INTS9: variants seen among roughly 807,000 people sequenced by gnomAD.
The protein encoded by INTS9 is integrator complex subunit 9.
INTS9 carries 55 observed loss-of-function variants against 79.7 expected under a neutral mutation model. The observed-to-expected ratio is 0.69, with a 90% CI of 0.56 to 0.86. INTS9 has a LOEUF of 0.86. Ranked by LOEUF, INTS9 falls within the 40% of genes least tolerant of loss-of-function variation. INTS9 has a pLI of 0.00. For synonymous variants in INTS9, 319 were observed against 325.2 expected (o/e 0.98, Z 0.20); for missense variants, 721 against 831.5 (o/e 0.87, Z 1.64).
chr8:28,799,221 G>A (rs958530137), intron 8 of INTS9, among the ~76,000 whole-genome samples: 15 of 152,124 alleles, frequency 9.9e-5, no homozygotes, highest in African/African-American at 2.4e-4. Flanking sequence ...GTTTGAACCC[G>A]GGAGGCGGAG....
rs372078850 is a variant in INTS9 at position 28,865,920 on chromosome 8, C to A, written c.10-6357G>T. Reference sequence around the variant, plus strand: ...GCATGTGGTAATGTTTCATTTTACTCCCCCCTCCCTGTGACTAAATTATCA... The same window carrying A: ...GCATGTGGTAATGTTTCATTTTACTACCCCCTCCCTGTGACTAAATTATCA... On this transcript the variant is annotated intron_variant, in intron 1 of 16. Transcript: ENST00000521022. Among the ~76,000 whole-genome samples the A allele has an allele frequency of 2.0e-5, 3 of 151,322 alleles. No homozygotes were observed. In the East Asian group the frequency reaches 5.8e-4, roughly 29 times the overall value.
chr8:28,778,386 C>T (rs1803024916), intron 12 of INTS9, among the ~76,000 whole-genome samples: 1 of 152,176 alleles, frequency 6.6e-6, no homozygotes, highest in African/African-American at 2.4e-5. Flanking sequence ...AAAGAGTCCC[C>T]CACAAGGTAC....
chr8:28,794,963 ACT>A (rs1181933468), intron 9 of INTS9, among the ~76,000 whole-genome samples: 1 of 152,052 alleles, frequency 6.6e-6, no homozygotes, highest in African/African-American at 2.4e-5. Flanking sequence ...ACAAACCAAG[ACT>A]CTATTTGAGA....
chr8:28,861,168 G>A (rs936501670), intron 1 of INTS9, among the ~76,000 whole-genome samples: 1 of 152,132 alleles, frequency 6.6e-6, no homozygotes, highest in Non-Finnish European at 1.5e-5. Flanking sequence ...AGAAGTCTAG[G>A]ATCCATGATT....
chr8:28,782,719 C>G (rs772774950), intron 11 of INTS9, among the ~76,000 whole-genome samples: 1 of 152,166 alleles, frequency 6.6e-6, no homozygotes, highest in Non-Finnish European at 1.5e-5. Flanking sequence ...AGTTTGAGAC[C>G]AGGCTGGGCA....
chr8:28,812,550 C>T (rs917342407), intron 7 of INTS9, 89 bp from the exon 8 acceptor site: 7 of 1,429,656 alleles, frequency 4.9e-6, no homozygotes, highest in Non-Finnish European at 6.6e-6. Context: ...CAGAAATATC[C>T]TCAGTTTAAA....
intron 1 of INTS9, among the ~76,000 whole-genome samples, chr8:28,863,026 T>C (rs1384735784): frequency 1.3e-5 from 2 of 152,218 alleles, no homozygotes; most frequent in African/African-American, 4.8e-5. Flanking sequence ...ATGGATACAC[T>C]GCCTGGTACA....
At chr8:28,802,974 A>G (rs1365257872) in intron 8 of INTS9, among the ~76,000 whole-genome samples, 1 of 151,222 alleles carries the variant, frequency 6.6e-6, no homozygotes, top group East Asian at 1.9e-4. Context: ...AATTAGCCAG[A>G]TGTGCTGGTG....
chr8:28,866,616 G>A (rs1378420912), intron 1 of INTS9, among the ~76,000 whole-genome samples: 1 of 152,146 alleles, frequency 6.6e-6, no homozygotes. Flanking sequence ...TACGCATTTT[G>A]AATGTTACAT....
At chr8:28,804,472 C>A (rs180693511) in intron 8 of INTS9, among the ~76,000 whole-genome samples, 2 of 152,026 alleles carry the variant, frequency 1.3e-5, no homozygotes, top group South Asian at 2.1e-4. Flanking sequence ...CCCCCGCCCC[C>A]CTGCATGAGG....
chr8:28,859,478 A>T lies in INTS9; in HGVS notation c.95T>A (p.Met32Lys). The change falls in exon 2 of 17, where the codon ATG (methionine) becomes AAG (lysine). Residue 32 changes from methionine (M) to lysine (K), a missense_variant. Transcript: ENST00000521022. Reference protein sequence around the residue: ...TTIMLDCGLDMTSTLNFLPLP... With the variant: ...TTIMLDCGLDKTSTLNFLPLP... ...AGGAAGGAAATTGAGGGTAGAAGTCATGTCCAGTCCGCAGTCCAACATAAT... is the reference window on the plus strand; with the variant it reads ...AGGAAGGAAATTGAGGGTAGAAGTCTTGTCCAGTCCGCAGTCCAACATAAT... 6.2e-7 allele frequency: 1 copy of T among 1,614,192 alleles called. No individual in the cohort carries two copies. The highest frequency in any genetic ancestry group is 8.5e-7 in the Non-Finnish European group (1 of 1,180,010).
At chr8:28,788,491 T>C (rs1287898378) in intron 10 of INTS9, among the ~76,000 whole-genome samples, 46 of 152,214 alleles carry the variant, frequency 3.0e-4, no homozygotes, top group Non-Finnish European at 2.9e-5. Context: ...CGATCTCGGC[T>C]CACTGCAACC....
chr8:28,871,607 T>C (rs1809099027), intron 1 of INTS9, among the ~76,000 whole-genome samples: 7 of 152,112 alleles, frequency 4.6e-5, no homozygotes, highest in Admixed American at 4.6e-4. Flanking sequence ...AGCCTCACTA[T>C]GTTGCCCAGG....
intron 1 of INTS9, among the ~76,000 whole-genome samples, chr8:28,874,289 G>GA (rs1809251421): frequency 7.0e-6 from 1 of 142,202 alleles, no homozygotes; most frequent in Non-Finnish European, 1.5e-5. Context: ...TATTTAAACT[G>GA]TTTTTTTTTT....
intron 11 of INTS9, among the ~76,000 whole-genome samples, chr8:28,787,616 G>A (rs2130926713): frequency 6.6e-6 from 1 of 152,324 alleles, no homozygotes; most frequent in Non-Finnish European, 1.5e-5. Context: ...CAACATTTTG[G>A]AGAAGGGCTG....
intron 1 of INTS9, among the ~76,000 whole-genome samples, chr8:28,872,066 A>T (rs1809124627): frequency 6.6e-6 from 1 of 152,248 alleles, no homozygotes; most frequent in African/African-American, 2.4e-5. Context: ...CAGTCCATAC[A>T]TTGGCAAAGA....
chr8:28,778,516 C>T (rs972632315), intron 12 of INTS9, among the ~76,000 whole-genome samples: 5 of 152,176 alleles, frequency 3.3e-5, no homozygotes, highest in Admixed American at 6.5e-5. Context: ...GACAAGCGCA[C>T]GGCCCCGCCT....
chr8:28,795,487 A>C (rs1804154367), intron 9 of INTS9, among the ~76,000 whole-genome samples: 1 of 151,914 alleles, frequency 6.6e-6, no homozygotes, highest in African/African-American at 2.4e-5. Flanking sequence ...TAAAAATACA[A>C]AAATTAGCCG....
At chr8:28,883,779 G>T (rs896100817) in intron 1 of INTS9, among the ~76,000 whole-genome samples, 3 of 152,166 alleles carry the variant, frequency 2.0e-5, no homozygotes, top group African/African-American at 7.2e-5. Context: ...GCAATGCCTG[G>T]TACAGAGCAG....
Sources: gnomAD v4.1 joint callset for allele counts (sites outside exome capture counted in the v4.1 genomes callset) on GRCh38, gnomAD v4.1.1 for gene constraint, MANE v1.5 for transcripts, NCBI Gene and HGNC (gene_info 2026-07-23, HGNC 2026-07-21) for gene names.